The following F10 variants were observed in gnomAD, a reference collection of about 807,000 sequenced individuals.
F10 encodes Stuart-Prower factor.
In F10, 29 loss-of-function variants were observed where a neutral mutation model predicts 37.1. The ratio of observed to expected loss-of-function variants is 0.78; its 90% CI spans 0.58 to 1.07. F10 has a LOEUF of 1.07. F10 is among the 50% of genes least tolerant of loss of function. The probability of loss-of-function intolerance (pLI) is 0.00; values close to 1 mark genes in which losing one functional copy is unlikely to be tolerated. For missense variants in F10, 539 were observed against 667.9 expected (o/e 0.81, Z 2.13); for synonymous variants, 262 against 268.6 (o/e 0.98, Z 0.24).
chr13:113,143,742 C>CGGCGTATCATTAAAAAA lies in F10; in HGVS notation c.503-109_503-108insGGCGTATCATTAAAAAA. 6.5e-7 allele frequency: 1 copy of CGGCGTATCATTAAAAAA among 1,538,846 alleles called. No individual in the cohort carries two copies. The highest frequency in any genetic ancestry group is 8.8e-7 in the Non-Finnish European group (1 of 1,138,674). On this transcript the variant is annotated intron_variant, in intron 5 of 7. Coordinates refer to ENST00000375559, the MANE Select transcript of F10 (RefSeq NM_000504.4). The surrounding 1 kb of genome is among the most constrained non-coding windows in gnomAD (Gnocchi z 6.8). The stretch of plus-strand genomic sequence containing the variant: ...CAAGCCCGCTGCCCCTCCGGGTGCC[C>CGGCGTATCATTAAAAAA]CTGCGCTCTGCCTCCCGGCTCTCTG...
At chr13:113,142,496 GCA>G (rs1182459698) in intron 5 of F10, among the ~76,000 whole-genome samples, 2 of 139,622 alleles carry the variant, frequency 1.4e-5, no homozygotes, top group Non-Finnish European at 3.1e-5. Context: ...CTTGCACTGA[GCA>G]CTGAGCCGAG....
chr13:113,139,303 C>CCGG lies in F10; in HGVS notation c.257-53_257-52insGGC. Reference sequence around the variant, plus strand: ...CAAGGTTAGCACAGCAAAACTGTTTCCATGATGCCGGAAACAGCTTGCAGA... The same window carrying CCGG: ...CAAGGTTAGCACAGCAAAACTGTTTCCGGCATGATGCCGGAAACAGCTTGCAGA... On this transcript the variant is annotated intron_variant, in intron 3 of 7. Coordinates refer to ENST00000375559, the MANE Select transcript of F10 (RefSeq NM_000504.4). The surrounding 1 kb of genome is among the most constrained non-coding windows in gnomAD (Gnocchi z 5.2). 1 of 1,478,890 alleles carries CCGG rather than the reference C, an allele frequency of 6.8e-7. No individual in the cohort carries two copies. Among genetic ancestry groups the CCGG allele is most frequent in the Non-Finnish European group, 9.4e-7 (1 of 1,060,298 alleles). 91.6% of individuals were successfully genotyped at this position (1,478,890 alleles called of 1,614,324 possible). A position where few individuals can be genotyped will look rare whatever the true frequency, so the allele number is the denominator to read the frequency against.
chr13:113,139,945 C>T lies in F10; in HGVS notation c.370+475C>T, dbSNP rs1451168959. On this transcript the variant is annotated intron_variant, in intron 4 of 7. Coordinates refer to ENST00000375559, the MANE Select transcript of F10 (RefSeq NM_000504.4). This position sits in a 1 kb window ranked among gnomAD's most constrained non-coding sequence, Gnocchi z 5.2. ...AATTTGATACATTTAATTAGTTCTACGTGGAAAAATCACTAAGTGCTTTCT... is the reference window on the plus strand; with the variant it reads ...AATTTGATACATTTAATTAGTTCTATGTGGAAAAATCACTAAGTGCTTTCT... Among the ~76,000 whole-genome samples the T allele has an allele frequency of 6.6e-6, 1 of 152,070 alleles. No individual in the cohort carries two copies. The highest frequency in any genetic ancestry group is 1.5e-5 in the Non-Finnish European group (1 of 68,026).
intron 1 of F10, among the ~76,000 whole-genome samples, chr13:113,125,954 G>A (rs897979434): frequency 6.6e-6 from 1 of 151,970 alleles, no homozygotes; most frequent in African/African-American, 2.4e-5. Context: ...GTCAGAGGGC[G>A]TGGTCAGGGA....
At chr13:113,136,093 C>A (rs1430656643) in intron 2 of F10, among the ~76,000 whole-genome samples, 1 of 152,104 alleles carries the variant, frequency 6.6e-6, no homozygotes, top group Non-Finnish European at 1.5e-5. Context: ...TAACAGCCAA[C>A]TCGCCAAAGA....
intron 1 of F10, chr13:113,128,116 C>T (rs1200846555): frequency 6.6e-6 from 1 of 152,206 alleles, no homozygotes; most frequent in Non-Finnish European, 1.5e-5. Context: ...CCCAAAGTGC[C>T]TGAGGAAAGT....
At chr13:113,147,330 ACACCTGTC>A (rs765705643) in intron 6 of F10, 41 bp from the exon 7 acceptor site, 4 of 1,306,564 alleles carry the variant, frequency 3.1e-6, no homozygotes, top group South Asian at 2.3e-5. Context: ...CAGTCAGGCA[ACACCTGTC>A]CACCTGGCCA....
At chr13:113,130,657 C>G (rs931116921) in intron 2 of F10, 44 of 152,444 alleles carry the variant, frequency 2.9e-4, no homozygotes, top group African/African-American at 9.6e-4. Flanking sequence ...GGGGAAGACC[C>G]CTGCAGCTTC....
At position 113,146,002 on chromosome 13, in the gene F10, T is replaced by C. The variant is rs1459054559; in HGVS notation, c.748-1377T>C. 6.6e-6 allele frequency among the ~76,000 whole-genome samples: 1 copy of C among 152,138 alleles called. No homozygotes were observed. Among genetic ancestry groups the C allele is most frequent in the East Asian group, 1.9e-4 (1 of 5,194 alleles). ...ATTTTCAGCGCCCAAAACCAGAATGTCCTCTCCTACAAGCAAGAATCTCAG... is the reference window on the plus strand; with the variant it reads ...ATTTTCAGCGCCCAAAACCAGAATGCCCTCTCCTACAAGCAAGAATCTCAG... On this transcript the variant is annotated intron_variant, in intron 6 of 7. Transcript: ENST00000375559. This position sits in a 1 kb window ranked among gnomAD's most constrained non-coding sequence, Gnocchi z 4.5.
intron 7 of F10, among the ~76,000 whole-genome samples, chr13:113,148,111 C>CCTGAT (rs954394745): frequency 8.6e-5 from 13 of 151,934 alleles, no homozygotes; most frequent in Non-Finnish European, 1.8e-4. Context: ...GGGCAGATCA[C>CCTGAT]CTGAGGTCAG....
chr13:113,148,345 A>AAATATATATATATATAT lies in F10; in HGVS notation c.866-570_866-569insATATATATATATATATA, dbSNP rs1300922846. Among the ~76,000 whole-genome samples, 15 of 95,406 alleles carry AAATATATATATATATAT rather than the reference A, an allele frequency of 1.6e-4. No individual in the cohort carries two copies. The East Asian group carries it at 3.9e-3, about 25-fold the overall frequency. 62.6% of individuals were successfully genotyped at this position (95,406 alleles called of 152,430 possible). A position where few individuals can be genotyped will look rare whatever the true frequency, so the allele number is the denominator to read the frequency against. On this transcript the variant is annotated intron_variant, in intron 7 of 7. Transcript: ENST00000375559. ...AACTCTGTCTCAAAAAAAAAAAAAA[A>AAATATATATATATATAT]ATATATATATATATATATGTATATA... is the stretch of plus-strand genomic sequence containing the variant.
At chr13:113,147,638 CAGAGGAAGAAGA>C in intron 7 of F10, 142 bp downstream of exon 7, 1 of 671,466 alleles carries the variant, frequency 1.5e-6, no homozygotes. Context: ...GGGCATTTCA[CAGAGGAAGAAGA>C]TGAGGAAGCA....
intron 2 of F10, chr13:113,129,925 T>G: frequency 2.7e-6 from 1 of 374,766 alleles, no homozygotes; most frequent in Non-Finnish European, 5.2e-6. Flanking sequence ...TAAAAACCAA[T>G]AGTCATGGTC....
rs769460373 is a variant in F10 at position 113,149,136 on chromosome 13, C to T, written c.1086C>T (p.Ser362=). The change falls in exon 8 of 8, where the codon AGC becomes AGT. Residue 362 remains serine (S), a synonymous_variant. Coordinates refer to ENST00000375559, the MANE Select transcript of F10 (RefSeq NM_000504.4). The surrounding 1 kb of genome is among the most constrained non-coding windows in gnomAD (Gnocchi z 7.5). ...TLMTQKTGIV[S]GFGRTHEKGR... is the part of the protein sequence containing the mutation. ...TGACGCAGAAGACGGGGATTGTGAG[C>T]GGCTTCGGGCGCACCCACGAGAAGG... The T allele has an allele frequency of 6.2e-6, 10 of 1,612,846 alleles. No individual in the cohort carries two copies. Among genetic ancestry groups the T allele is most frequent in the African/African-American group, 1.3e-5 (1 of 74,932 alleles).
At position 113,143,704 on chromosome 13, in the gene F10, GGGCC is replaced by G; in HGVS notation, c.503-146_503-143del. ...AGATCCGACCCCTGCCGACGACGTG[GGGCC>G]TCGCCCTGCAAGCCCGCTGCCCCTC... On this transcript the variant is annotated intron_variant, in intron 5 of 7. Coordinates refer to ENST00000375559, the MANE Select transcript of F10 (RefSeq NM_000504.4). The surrounding 1 kb of genome is among the most constrained non-coding windows in gnomAD (Gnocchi z 6.8). 9 of 1,188,266 alleles carry G rather than the reference GGGCC, an allele frequency of 7.6e-6. No homozygotes were observed. Among genetic ancestry groups the G allele is most frequent in the Admixed American group, 7.2e-5 (3 of 41,790 alleles). The allele number at this position is 1,188,266 out of a possible 1,614,324, so 73.6% of individuals were successfully genotyped here.
At chr13:113,129,709 G>A in intron 2 of F10, 97 bp downstream of exon 2, 1 of 1,521,812 alleles carries the variant, frequency 6.6e-7, no homozygotes, top group Non-Finnish European at 9.1e-7. Context: ...GCGGCCTGGA[G>A]GAAGGGGCAG....
intron 5 of F10, among the ~76,000 whole-genome samples, chr13:113,142,657 G>T (rs2036542530): frequency 6.8e-6 from 1 of 147,772 alleles, no homozygotes; most frequent in Admixed American, 6.7e-5. Flanking sequence ...TGGGCAAGGT[G>T]GCTCACGCCT....
At chr13:113,131,474 G>GA (rs1193783143) in intron 2 of F10, 1 of 152,788 alleles carries the variant, frequency 6.5e-6, no homozygotes, top group Non-Finnish European at 1.5e-5. Context: ...CCCTTCTGGA[G>GA]AATCAGTGTG....
chr13:113,138,533 T>C (rs747899563), intron 3 of F10, 52 bp downstream of exon 3: 2 of 1,168,278 alleles, frequency 1.7e-6, no homozygotes, highest in Non-Finnish European at 2.5e-6. Context: ...ATCAGGATAT[T>C]TGAATTTTGA....
Sources: allele counts gnomAD v4.1 joint callset (sites outside exome capture counted in the v4.1 genomes callset), GRCh38; gene constraint gnomAD v4.1.1; non-coding constraint Gnocchi (gnomAD v3.1); transcripts MANE v1.5; gene names NCBI Gene and HGNC (gene_info 2026-07-23, HGNC 2026-07-21).